Variants in CRACR2A observed in about 807,000 individuals in gnomAD.
CRACR2A encodes EF-hand calcium-binding domain-containing protein 4B.
CRACR2A carries 79 observed loss-of-function variants against 90.5 expected under a neutral mutation model. The observed-to-expected ratio is 0.87, with a 90% CI of 0.73 to 1.05. The LOEUF is 1.05. CRACR2A is among the 50% of genes least tolerant of loss of function. CRACR2A has a pLI of 0.00. For missense variants in CRACR2A, 823 were observed against 897.2 expected (o/e 0.92, Z 1.06); for synonymous variants, 338 against 356.7 (o/e 0.95, Z 0.59).
intron 4 of CRACR2A, among the ~76,000 whole-genome samples, chr12:3,692,864 T>C (rs1945673543): frequency 1.3e-5 from 2 of 152,154 alleles, no homozygotes; most frequent in Non-Finnish European, 1.5e-5. Flanking sequence ...GTGCACTCTC[T>C]CCATCACCAC....
intron 17 of CRACR2A, among the ~76,000 whole-genome samples, chr12:3,623,774 G>T (rs1262087203): frequency 6.6e-6 from 1 of 152,196 alleles, no homozygotes; most frequent in Non-Finnish European, 1.5e-5. Flanking sequence ...GCAAGGTAAA[G>T]TTGCCTAGAC....
chr12:3,633,416 G>C lies in CRACR2A; in HGVS notation c.1735+188C>G, dbSNP rs191611511. 6.6e-6 allele frequency among the ~76,000 whole-genome samples: 1 copy of C among 152,138 alleles called. No individual in the cohort carries two copies. Among genetic ancestry groups the C allele is most frequent in the African/African-American group, 2.4e-5 (1 of 41,430 alleles). On this transcript the variant is annotated intron_variant, in intron 15 of 19. Transcript: ENST00000440314. The surrounding 1 kb of genome is among the most constrained non-coding windows in gnomAD (Gnocchi z 4.5). Reference sequence around the variant, plus strand: ...CAGGATGAGCTTAGCAGCTAGCAGCGTGAGGGGAGGTGGCTTCATCTTGCC... The same window carrying C: ...CAGGATGAGCTTAGCAGCTAGCAGCCTGAGGGGAGGTGGCTTCATCTTGCC...
intron 13 of CRACR2A, chr12:3,640,711 T>G (rs1450773995): frequency 7.7e-7 from 1 of 1,305,288 alleles, no homozygotes; most frequent in Admixed American, 2.3e-5. Flanking sequence ...CATTTCATGC[T>G]TGCAGTCTTC....
rs552177056 is a variant in CRACR2A, at chr12:3,638,226, G to T, written c.1500C>A (p.Val500=). Residue 500 remains valine (V), a synonymous_variant, in exon 14 of 20, where the codon GTC becomes GTA. Transcript: ENST00000440314. ...PLSKCSEEEE[V]SDQGVQGQIP... ...TTTGTCCCTGTACCCCCTGGTCAGA[G>T]ACCTCTTCCTCTTCTGAGCATTTGC... The T allele has an allele frequency of 6.4e-7, 1 of 1,551,714 alleles. No individual in the cohort carries two copies. The highest frequency in any genetic ancestry group is 1.4e-5 in the African/African-American group (1 of 73,164).
At chr12:3,720,891 C>A (rs1218853467) in intron 2 of CRACR2A, among the ~76,000 whole-genome samples, 3 of 152,214 alleles carry the variant, frequency 2.0e-5, no homozygotes, top group African/African-American at 7.2e-5. Flanking sequence ...CATTCTAAAG[C>A]AAGACAAAGT....
chr12:3,655,530 G>C (rs1944886649), intron 9 of CRACR2A, among the ~76,000 whole-genome samples: 2 of 152,222 alleles, frequency 1.3e-5, no homozygotes, highest in South Asian at 4.1e-4. Flanking sequence ...TCCAGAGCTG[G>C]ATTCCTTCCA....
chr12:3,717,599 T>C (rs950571870), intron 2 of CRACR2A, among the ~76,000 whole-genome samples: 1 of 152,232 alleles, frequency 6.6e-6, no homozygotes, highest in African/African-American at 2.4e-5. Flanking sequence ...AGCACACTTT[T>C]ATATGGTGCT....
Position 3,644,646 on chromosome 12 carries a change from G to C in CRACR2A, c.1119-6C>G. On this transcript the variant is annotated splice_region_variant and splice_polypyrimidine_tract_variant and intron_variant, in intron 11 of 19. Transcript: ENST00000440314. ...GAAGGTGCTTGTTCCTTTCCCTGTG[G>C]ATGGTAAAGGGGAATCTATTCAAAC... 1 of 1,551,574 alleles carries C rather than the reference G, an allele frequency of 6.4e-7. No homozygotes were observed. The highest frequency in any genetic ancestry group is 8.7e-7 in the Non-Finnish European group (1 of 1,146,880).
intron 1 of CRACR2A, among the ~76,000 whole-genome samples, chr12:3,742,585 T>C (rs1460474636): frequency 6.6e-6 from 1 of 152,188 alleles, no homozygotes; most frequent in African/African-American, 2.4e-5. Flanking sequence ...AACTAGTCAG[T>C]GAAGGCCAGC....
chr12:3,656,463 GA>G, intron 8 of CRACR2A, 57 bp from the exon 9 acceptor site: 7 of 1,559,658 alleles, frequency 4.5e-6, no homozygotes, highest in Non-Finnish European at 6.2e-6. Context: ...CCGGGTTATA[GA>G]TTTTTTTTTT....
intron 7 of CRACR2A, among the ~76,000 whole-genome samples, chr12:3,663,993 T>C (rs1945084300): frequency 1.3e-5 from 2 of 152,270 alleles, no homozygotes; most frequent in Admixed American, 1.3e-4. Context: ...CTAGTCCATC[T>C]TTCCAGCCTG....
At chr12:3,742,473 A>G (rs1247568822) in intron 1 of CRACR2A, among the ~76,000 whole-genome samples, 1 of 152,114 alleles carries the variant, frequency 6.6e-6, no homozygotes, top group Non-Finnish European at 1.5e-5. Flanking sequence ...GCTAGGTTCT[A>G]TTTGACAACA....
intron 2 of CRACR2A, 24 bp from the exon 3 acceptor site, chr12:3,713,341 T>A (rs1946035047): frequency 1.0e-6 from 1 of 977,486 alleles, no homozygotes; most frequent in Non-Finnish European, 1.2e-6. Flanking sequence ...AAGAGATGAA[T>A]CACACCTTAT....
chr12:3,655,849 AG>A (rs1230609802), intron 9 of CRACR2A, among the ~76,000 whole-genome samples: 1 of 152,238 alleles, frequency 6.6e-6, no homozygotes, highest in African/African-American at 2.4e-5. Context: ...CCACACAGCC[AG>A]GGAAGAGACA....
chr12:3,645,734 G>A (rs866982712), intron 11 of CRACR2A, among the ~76,000 whole-genome samples: 8 of 152,200 alleles, frequency 5.3e-5, no homozygotes, highest in African/African-American at 1.9e-4. Context: ...AGAATGTGAA[G>A]AAAAGGAGTG....
chr12:3,621,419 C>A (rs1265271419), intron 17 of CRACR2A, among the ~76,000 whole-genome samples: 1 of 147,020 alleles, frequency 6.8e-6, no homozygotes, highest in Non-Finnish European at 1.5e-5. Context: ...TTTGGGAGGC[C>A]GAGGTGGGTG....
chr12:3,680,361 C>G lies in CRACR2A; in HGVS notation c.229-12G>C. 1 of 1,609,042 alleles carries G rather than the reference C, an allele frequency of 6.2e-7. No individual in the cohort carries two copies. Among genetic ancestry groups the G allele is most frequent in the Non-Finnish European group, 8.5e-7 (1 of 1,176,618 alleles). On this transcript the variant is annotated splice_polypyrimidine_tract_variant and intron_variant, in intron 4 of 19. Transcript: ENST00000440314. ...TCCTTATGCAGCCTCTGAAAACAAC[C>G]CAGAGTGTACTGGTTAACACTGACA...
intron 2 of CRACR2A, among the ~76,000 whole-genome samples, chr12:3,715,186 G>T (rs561734065): frequency 6.6e-5 from 10 of 152,224 alleles, no homozygotes; most frequent in Non-Finnish European, 1.5e-5. Flanking sequence ...CCAGTGGGTT[G>T]GGGGAAAGGC....
intron 10 of CRACR2A, among the ~76,000 whole-genome samples, chr12:3,649,190 C>A (rs1430745666): frequency 6.6e-6 from 1 of 151,770 alleles, no homozygotes; most frequent in Non-Finnish European, 1.5e-5. Flanking sequence ...TGTAACAAAC[C>A]TGCACGTTGT....
Sources: allele counts gnomAD v4.1 joint callset (sites outside exome capture counted in the v4.1 genomes callset), GRCh38; gene constraint gnomAD v4.1.1; non-coding constraint Gnocchi (gnomAD v3.1); transcripts MANE v1.5; gene names NCBI Gene and HGNC (gene_info 2026-07-23, HGNC 2026-07-21).